Variants in ACTN1 observed in about 807,000 individuals in gnomAD.
ACTN1 encodes actinin alpha 1, also known as alpha-actinin-1.
ACTN1 carries 30 observed loss-of-function variants against 119.6 expected under a neutral mutation model. The ratio of observed to expected loss-of-function variants is 0.25; its 90% CI spans 0.19 to 0.34. The LOEUF is 0.34. ACTN1 is among the 10% of genes least tolerant of loss of function. The pLI is 1.00. For missense variants in ACTN1, 764 were observed against 1,223.4 expected (o/e 0.62, Z 5.60); for synonymous variants, 429 against 472.6 (o/e 0.91, Z 1.20).
chr14:68,957,314 C>T (rs1201748399), intron 1 of ACTN1, among the ~76,000 whole-genome samples: 1 of 152,198 alleles, frequency 6.6e-6, no homozygotes, highest in Non-Finnish European at 1.5e-5. Context: ...CCAAGAGACA[C>T]CTGTGACCTC....
At chr14:68,945,136 C>G (rs2035895511) in intron 1 of ACTN1, among the ~76,000 whole-genome samples, 1 of 146,394 alleles carries the variant, frequency 6.8e-6, no homozygotes, top group Non-Finnish European at 1.5e-5. Context: ...TACACTCCAG[C>G]CTGGGCAACA....
chr14:68,904,170 G>C (rs1477511145), intron 7 of ACTN1, among the ~76,000 whole-genome samples: 1 of 152,026 alleles, frequency 6.6e-6, no homozygotes, highest in Non-Finnish European at 1.5e-5. Flanking sequence ...GAAGATGCTA[G>C]AAGGAAGCCA....
intron 10 of ACTN1, among the ~76,000 whole-genome samples, chr14:68,890,748 C>T (rs897762491): frequency 6.6e-6 from 1 of 152,248 alleles, no homozygotes; most frequent in Non-Finnish European, 1.5e-5. Flanking sequence ...GGACTCAGGC[C>T]TCTGGGCAAT....
intron 1 of ACTN1, among the ~76,000 whole-genome samples, chr14:68,968,462 T>C (rs565447030): frequency 7.2e-5 from 11 of 151,818 alleles, no homozygotes; most frequent in South Asian, 2.1e-4. Context: ...GAGTGATGCA[T>C]TGGGTATGAC....
chr14:68,920,101 G>A (rs1366219554), intron 3 of ACTN1, among the ~76,000 whole-genome samples: 1 of 152,190 alleles, frequency 6.6e-6, no homozygotes, highest in Non-Finnish European at 1.5e-5. Context: ...TTTGAGTTCT[G>A]GCTTTGCCAC....
rs569871612 is a variant in ACTN1 at position 68,899,871 on chromosome 14, G to A, written c.762+2606C>T. On this transcript the variant is annotated intron_variant, in intron 8 of 21. Transcript: ENST00000394419. ...CACGGACACGGGCAGGTGCACACCC[G>A]TGGCTATTGGGCCAGGAGGCCAACC... Among the ~76,000 whole-genome samples, 19 of 152,348 alleles carry A rather than the reference G, an allele frequency of 1.2e-4. No individual in the cohort carries two copies. In the East Asian group the frequency reaches 2.7e-3, roughly 22 times the overall value.
chr14:68,881,490 A>G (rs1390909921), intron 16 of ACTN1, among the ~76,000 whole-genome samples: 1 of 152,112 alleles, frequency 6.6e-6, no homozygotes, highest in African/African-American at 2.4e-5. Context: ...CCTAATGCCC[A>G]TTTCTGTCTG....
chr14:68,875,215 T>A (rs1374414337), intron 21 of ACTN1, 198 bp from the exon 22 acceptor site: 6 of 1,433,834 alleles, frequency 4.2e-6, no homozygotes, highest in South Asian at 2.8e-5. Context: ...TTTTTAAAAT[T>A]CTCTCAGGTT....
chr14:68,883,769 C>G (rs1487716114), intron 14 of ACTN1, among the ~76,000 whole-genome samples: 2 of 151,972 alleles, frequency 1.3e-5, no homozygotes, highest in African/African-American at 4.8e-5. Context: ...CAGAGTGAGA[C>G]CTTGTCTCTA....
At chr14:68,975,770 C>G (rs533334776) in intron 1 of ACTN1, among the ~76,000 whole-genome samples, 1 of 152,196 alleles carries the variant, frequency 6.6e-6, no homozygotes, top group African/African-American at 2.4e-5. Context: ...CATTTTGTGT[C>G]TGGAGGCATG....
At chr14:68,892,921 A>G (rs2032605011) in intron 9 of ACTN1, among the ~76,000 whole-genome samples, 1 of 152,188 alleles carries the variant, frequency 6.6e-6, no homozygotes, top group South Asian at 2.1e-4. Context: ...CTGAATCACC[A>G]CAGAAACACT....
In ACTN1 at chr14:68,909,851, C is replaced by T; in HGVS notation, c.515+104G>A. On this transcript the variant is annotated intron_variant, in intron 5 of 21. Transcript: ENST00000394419. The surrounding 1 kb of genome is among the most constrained non-coding windows in gnomAD (Gnocchi z 4.1). The stretch of plus-strand genomic sequence containing the variant: ...GAAAGCTACTTCTTCCCCCAGAGGT[C>T]TCCACTTTGTTCTAAAGCTGAGACT... 3 of 929,026 alleles carry T rather than the reference C, an allele frequency of 3.2e-6. No individual in the cohort carries two copies. In the South Asian group the frequency reaches 4.6e-5, roughly 14 times the overall value. 57.5% of individuals were successfully genotyped at this position (929,026 alleles called of 1,614,324 possible).
chr14:68,977,060 C>CA (rs2037085696), intron 1 of ACTN1, among the ~76,000 whole-genome samples: 1 of 152,154 alleles, frequency 6.6e-6, no homozygotes, highest in South Asian at 2.1e-4. Context: ...ACAGTCCTTT[C>CA]AGGGGCCTAG....
At chr14:68,899,000 C>A (rs967217736) in intron 8 of ACTN1, among the ~76,000 whole-genome samples, 24 of 147,298 alleles carry the variant, frequency 1.6e-4, no homozygotes, top group African/African-American at 5.6e-4. Flanking sequence ...ACCACACACA[C>A]CCTACACCTC....
intron 9 of ACTN1, among the ~76,000 whole-genome samples, chr14:68,893,274 C>T (rs72733515): frequency 0.023 from 3,571 of 152,316 alleles, 57 homozygotes; most frequent in Middle Eastern, 0.037. Flanking sequence ...CACTAATTTA[C>T]CGAAAACCCT....
chr14:68,964,056 TA>T (rs1206641864), intron 1 of ACTN1, among the ~76,000 whole-genome samples: 4 of 152,210 alleles, frequency 2.6e-5, no homozygotes, highest in Non-Finnish European at 4.4e-5. Flanking sequence ...CCCCAGGAAT[TA>T]AATATCTATT....
At position 68,878,282 on chromosome 14, in the gene ACTN1, CGT is replaced by C. The variant is rs1462970514; in HGVS notation, c.2427+174_2427+175del. 4 of 888,562 alleles carry C rather than the reference CGT, an allele frequency of 4.5e-6. No individual in the cohort carries two copies. Among genetic ancestry groups the C allele is most frequent in the Non-Finnish European group, 6.5e-6 (4 of 611,662 alleles). The allele number at this position is 888,562 out of a possible 1,614,324, so 55.0% of individuals were successfully genotyped here. On this transcript the variant is annotated intron_variant, in intron 20 of 21. Transcript: ENST00000394419. This position sits in a 1 kb window ranked among gnomAD's most constrained non-coding sequence, Gnocchi z 4.4. ...CAGGCCTCCCGGATACACACACGCC[CGT>C]GGCCGGGCCGGCTTTCAGGGAGCCA...
chr14:68,904,996 G>A (rs917446821), intron 6 of ACTN1, among the ~76,000 whole-genome samples: 2 of 152,212 alleles, frequency 1.3e-5, no homozygotes, highest in Non-Finnish European at 2.9e-5. Context: ...AGCCTGAGTC[G>A]GGGGTAGGAA....
In ACTN1 at chr14:68,878,252, G is replaced by A. The variant is rs73283038; in HGVS notation, c.2427+206C>T. 8.7e-3 allele frequency: 5,077 copies of A among 586,092 alleles called. 190 individuals carry two copies. Among genetic ancestry groups the A allele is most frequent in the African/African-American group, 0.083 (4,472 of 54,100 alleles). The allele number at this position is 586,092 out of a possible 1,614,324, so 36.3% of individuals were successfully genotyped here. On this transcript the variant is annotated intron_variant, in intron 20 of 21. Transcript: ENST00000394419. This position sits in a 1 kb window ranked among gnomAD's most constrained non-coding sequence, Gnocchi z 4.4. ...GAAGTGGCACAGAGATTGAGGCGAG[G>A]AGGTCAGGCCTCCCGGATACACACA...
Sources: gnomAD v4.1 joint callset for allele counts (sites outside exome capture counted in the v4.1 genomes callset) on GRCh38, gnomAD v4.1.1 for gene constraint, Gnocchi (gnomAD v3.1) non-coding constraint, MANE v1.5 for transcripts, NCBI Gene and HGNC (gene_info 2026-07-23, HGNC 2026-07-21) for gene names.